Variants in ABCA9 observed in about 807,000 individuals in gnomAD.
ABCA9 encodes ATP-binding cassette sub-family A member 9.
Under a neutral mutation model 205.3 loss-of-function variants are expected in ABCA9, and 183 were observed. The observed-to-expected ratio is 0.89, with a 90% CI of 0.79 to 1.01. The LOEUF is 1.01. Among genes scored for constraint, ABCA9 ranks in the 50% least tolerant of loss-of-function variants. ABCA9 has a pLI of 0.00. For missense variants in ABCA9, 1,805 were observed against 1,912.4 expected, an observed-to-expected ratio of 0.94 and a Z score of 1.05; for synonymous variants, 651 against 683.3, an observed-to-expected ratio of 0.95 and a Z score of 0.74.
intron 1 of ABCA9, among the ~76,000 whole-genome samples, chr17:69,060,143 T>C (rs1302567468): frequency 1.3e-5 from 2 of 152,172 alleles, no homozygotes; most frequent in East Asian, 1.9e-4. Context: ...AGACTGATTT[T>C]TCCCCCCACT....
In ABCA9 at chr17:69,016,102, G is replaced by GTA. The variant is rs369501172; in HGVS notation, c.3039+149_3039+150dup. On this transcript the variant is annotated intron_variant, in intron 22 of 38. Coordinates refer to ENST00000340001, the MANE Select transcript of ABCA9 (RefSeq NM_080283.4). Reference sequence around the variant, plus strand: ...TGCACACAGATTTATATGTGTGTGTGTATATATATATATATATATATACAC... The same window carrying GTA: ...TGCACACAGATTTATATGTGTGTGTGTATATATATATATATATATATATACAC... The GTA allele has an allele frequency of 2.6e-3, 680 of 263,156 alleles. 3 individuals are homozygous for GTA. Among genetic ancestry groups the GTA allele is most frequent in the East Asian group, 9.5e-3 (123 of 12,986 alleles). The allele number at this position is 263,156 out of a possible 1,614,324, so 16.3% of individuals were successfully genotyped here. A position where few individuals can be genotyped will look rare whatever the true frequency, so the allele number is the denominator to read the frequency against.
At position 69,049,372 on chromosome 17, in the gene ABCA9, T is replaced by G; in HGVS notation, c.215A>C (p.Asn72Thr). The G allele has an allele frequency of 6.2e-7, 1 of 1,613,104 alleles. No individual in the cohort carries two copies. Among genetic ancestry groups the G allele is most frequent in the Non-Finnish European group, 8.5e-7 (1 of 1,179,370 alleles). The change falls in exon 3 of 39, where the codon AAT becomes ACT. Residue 72 changes from asparagine (N) to threonine (T), a missense_variant. Coordinates refer to ENST00000340001, the MANE Select transcript of ABCA9 (RefSeq NM_080283.4). Reference sequence around the variant, plus strand: ...AAATGCAATAACATAATTAGTATCATTAAAACTATCTACACGTCCCAGATC... The same window carrying G: ...AAATGCAATAACATAATTAGTATCAGTAAAACTATCTACACGTCCCAGATC... ...SMDLGRVDSFNDTNYVIAFAP... is the reference protein window; with the variant it reads ...SMDLGRVDSFTDTNYVIAFAP...
At chr17:69,003,381 T>C (rs2069966338) in intron 25 of ABCA9, among the ~76,000 whole-genome samples, 1 of 147,806 alleles carries the variant, frequency 6.8e-6, no homozygotes, top group Admixed American at 6.8e-5. Flanking sequence ...TTATGAAGCT[T>C]AGTTTGGCTG....
At chr17:69,003,291 G>A (rs1266273820) in intron 25 of ABCA9, among the ~76,000 whole-genome samples, 2 of 151,420 alleles carry the variant, frequency 1.3e-5, no homozygotes, top group Non-Finnish European at 2.9e-5. Context: ...CTTCCTTCAG[G>A]AGCTCTTTTA....
chr17:69,064,436 C>T (rs373349198), upstream of ABCA9, among the ~76,000 whole-genome samples: 1 of 152,144 alleles, frequency 6.6e-6, no homozygotes, highest in Admixed American at 6.5e-5. Context: ...AGGATACACC[C>T]GTTAGCATAT....
Position 68,986,163 on chromosome 17 carries a change from C to T in ABCA9, c.4208+1G>A. 2 of 1,605,176 alleles carry T rather than the reference C, an allele frequency of 1.2e-6. No individual in the cohort carries two copies. Among genetic ancestry groups the T allele is most frequent in the Non-Finnish European group, 1.7e-6 (2 of 1,175,632 alleles). ...GGGGAGTGCCCCCCAGTCCCAGGTA[C>T]CGTGTGATGGCGATCATTGCGTCCC... is the stretch of plus-strand genomic sequence containing the variant. On this transcript the variant is annotated splice_donor_variant, in intron 32 of 38. Transcript: ENST00000340001. LOFTEE classifies it high-confidence loss of function.
At chr17:69,074,619 T>A in the ABCA9 span, among the ~76,000 whole-genome samples, 1 of 152,070 alleles carries the variant, frequency 6.6e-6, no homozygotes, top group South Asian at 2.1e-4. Flanking sequence ...GATTCCAGGG[T>A]ATATATGTAC....
At chr17:68,979,470 T>C (rs1050613683) in intron 37 of ABCA9, among the ~76,000 whole-genome samples, 2 of 150,814 alleles carry the variant, frequency 1.3e-5, no homozygotes, top group East Asian at 1.9e-4. Flanking sequence ...GAGCCTGCAT[T>C]GCCAAGTCAA....
rs540020409 is a variant in ABCA9, at chr17:69,007,996, T to G, written c.3321+66A>C. 3 of 1,498,934 alleles carry G rather than the reference T, an allele frequency of 2.0e-6. No individual in the cohort carries two copies. The African/African-American group carries it at 4.2e-5, about 21-fold the overall frequency. 92.9% of individuals were successfully genotyped at this position (1,498,934 alleles called of 1,614,324 possible). A position where few individuals can be genotyped will look rare whatever the true frequency, so the allele number is the denominator to read the frequency against. ...AATTTGAAGTTCTTTGGTTTAAGATTAATGATATTACTGCATTCATGAAAA... is the reference window on the plus strand; with the variant it reads ...AATTTGAAGTTCTTTGGTTTAAGATGAATGATATTACTGCATTCATGAAAA... On this transcript the variant is annotated intron_variant, in intron 24 of 38. Transcript: ENST00000340001.
At chr17:69,008,617 A>G (rs1320226431) in intron 23 of ABCA9, among the ~76,000 whole-genome samples, 1 of 152,218 alleles carries the variant, frequency 6.6e-6, no homozygotes, top group Non-Finnish European at 1.5e-5. Context: ...CTTAAAATTT[A>G]TGCTGAATGT....
At chr17:69,075,281 C>G in the ABCA9 span, among the ~76,000 whole-genome samples, 2 of 152,082 alleles carry the variant, frequency 1.3e-5, no homozygotes, top group South Asian at 2.1e-4. Context: ...GGTTTTGTTG[C>G]AATTGCTTCT....
At chr17:69,044,462 G>A in intron 5 of ABCA9, 35 bp downstream of exon 5, 1 of 1,567,582 alleles carries the variant, frequency 6.4e-7, no homozygotes, top group African/African-American at 1.4e-5. Flanking sequence ...AAATTCAAAT[G>A]CAATGTGGTT....
intron 26 of ABCA9, among the ~76,000 whole-genome samples, chr17:68,995,299 G>A (rs2069581292): frequency 6.6e-6 from 1 of 152,096 alleles, no homozygotes; most frequent in Non-Finnish European, 1.5e-5. Flanking sequence ...CATCTCAAAT[G>A]GATTCGCTGG....
chr17:69,013,223 G>A (rs1050754865), intron 22 of ABCA9, among the ~76,000 whole-genome samples: 1 of 152,074 alleles, frequency 6.6e-6, no homozygotes, highest in Non-Finnish European at 1.5e-5. Context: ...TCCTTTTGTG[G>A]GGGTAGCAAA....
intron 36 of ABCA9, 151 bp downstream of exon 36, chr17:68,983,557 GT>G: frequency 9.1e-7 from 1 of 1,095,536 alleles, no homozygotes; most frequent in Non-Finnish European, 1.3e-6. Context: ...TCCCTCTTGT[GT>G]GAGCCCTTGG....
chr17:69,042,305 T>C (rs1741073034), intron 6 of ABCA9: 1 of 152,188 alleles, frequency 6.6e-6, no homozygotes, highest in African/African-American at 2.4e-5. Flanking sequence ...TCAGGACCAA[T>C]GAGAGGTGCA....
At chr17:69,066,842 A>G in the ABCA9 span, among the ~76,000 whole-genome samples, 1 of 152,150 alleles carries the variant, frequency 6.6e-6, no homozygotes, top group South Asian at 2.1e-4. Context: ...ACATGTCAGG[A>G]ACTCATAAGT....
At chr17:69,026,297 T>A in intron 16 of ABCA9, 80 bp downstream of exon 16, 1 of 1,170,812 alleles carries the variant, frequency 8.5e-7, no homozygotes, top group South Asian at 1.4e-5. Flanking sequence ...TAGGGCCTAC[T>A]TTTACACATT....
Position 68,988,084 on chromosome 17 carries a change from C to T in ABCA9, c.4047+943G>A, listed in dbSNP as rs549243250. ...CGGACCTCATTTGCATTTTTAAGGA[C>T]TGTTCTTGCTGCAGTGTGAGGCAAG... On this transcript the variant is annotated intron_variant, in intron 31 of 38. Coordinates refer to ENST00000340001, the MANE Select transcript of ABCA9 (RefSeq NM_080283.4). Among the ~76,000 whole-genome samples the T allele has an allele frequency of 1.1e-4, 17 of 152,272 alleles. No homozygotes were observed. The East Asian group carries it at 3.3e-3, about 29-fold the overall frequency.
Sources: allele counts gnomAD v4.1 joint callset (sites outside exome capture counted in the v4.1 genomes callset), GRCh38; gene constraint gnomAD v4.1.1; transcripts MANE v1.5; gene names NCBI Gene and HGNC (gene_info 2026-07-23, HGNC 2026-07-21).